NRXN3: variants seen among roughly 807,000 people sequenced by gnomAD.
The protein encoded by NRXN3 is neurexin 3.
A neutral mutation model predicts 137.6 loss-of-function variants in NRXN3; 32 were observed. That is an observed-to-expected ratio of 0.23 (90% CI 0.18 to 0.31). The LOEUF is 0.31. Ranked by LOEUF, NRXN3 falls within the 10% of genes least tolerant of loss-of-function variation. The probability of loss-of-function intolerance (pLI) is 1.00; values close to 1 mark genes in which losing one functional copy is unlikely to be tolerated. For missense variants in NRXN3, 1,574 were observed against 2,062.5 expected, an observed-to-expected ratio of 0.76 and a Z score of 4.59; for synonymous variants, 798 against 784.5, an observed-to-expected ratio of 1.02 and a Z score of -0.29.
intron 4 of NRXN3, among the ~76,000 whole-genome samples, chr14:78,350,735 A>T (rs563483104): frequency 2.4e-4 from 36 of 152,304 alleles, no homozygotes; most frequent in African/African-American, 8.4e-4. Flanking sequence ...AATGACCTGT[A>T]TGAGAAGGGA....
chr14:78,542,460 T>C (rs563477860), intron 4 of NRXN3, among the ~76,000 whole-genome samples: 1 of 152,346 alleles, frequency 6.6e-6, no homozygotes, highest in South Asian at 2.1e-4. Context: ...GCGCTAGCAG[T>C]GAGCAAGGCT....
intron 16 of NRXN3, among the ~76,000 whole-genome samples, chr14:79,524,094 G>A (rs1214783315): frequency 6.6e-6 from 1 of 152,170 alleles, no homozygotes; most frequent in Non-Finnish European, 1.5e-5. Context: ...CGGAGGAGAG[G>A]TCAGGTCTTA....
At chr14:79,033,916 A>C (rs1242660771) in intron 15 of NRXN3, among the ~76,000 whole-genome samples, 1 of 152,102 alleles carries the variant, frequency 6.6e-6, no homozygotes, top group South Asian at 2.1e-4. Flanking sequence ...TCTTTTAGCT[A>C]TTAGAACCTG....
intron 4 of NRXN3, among the ~76,000 whole-genome samples, chr14:78,511,833 C>A (rs1036069554): frequency 6.6e-6 from 1 of 152,056 alleles, no homozygotes; most frequent in Admixed American, 6.5e-5. Context: ...GAACCCAGGA[C>A]TTCCAGCTCC....
At chr14:78,216,926 C>G (rs1378028884) in intron 1 of NRXN3, among the ~76,000 whole-genome samples, 1 of 152,148 alleles carries the variant, frequency 6.6e-6, no homozygotes, top group Non-Finnish European at 1.5e-5. Flanking sequence ...TCTCTGTGTC[C>G]ACATCTCTCT....
chr14:78,967,401 A>G lies in NRXN3; in HGVS notation c.2968+3A>G. ...TGCCAAAAATCTGGATTTGAAAGGT[A>G]AACCTTGTAAAGAAATTTAGTTTTT... On this transcript the variant is annotated splice_donor_region_variant and intron_variant, in intron 13 of 20. Transcript: ENST00000335750. 1 of 1,608,344 alleles carries G rather than the reference A, an allele frequency of 6.2e-7. No homozygotes were observed. Among genetic ancestry groups the G allele is most frequent in the Non-Finnish European group, 8.5e-7 (1 of 1,175,574 alleles).
chr14:78,564,983 C>A lies in NRXN3; in HGVS notation c.758-80137C>A, dbSNP rs575456337. Among the ~76,000 whole-genome samples the A allele has an allele frequency of 2.0e-5, 3 of 152,308 alleles. No individual in the cohort carries two copies. In the East Asian group the frequency reaches 5.8e-4, roughly 29 times the overall value. On this transcript the variant is annotated intron_variant, in intron 4 of 20. Coordinates refer to ENST00000335750, the MANE Select transcript of NRXN3 (RefSeq NM_001330195.2). The stretch of plus-strand genomic sequence containing the variant: ...TCTGAATTTCTAAAGTGCTCAGCAG[C>A]AGCAGCACTCATTTGGCACTTGGTA...
intron 16 of NRXN3, among the ~76,000 whole-genome samples, chr14:79,480,830 C>T (rs1171882017): frequency 1.3e-5 from 2 of 152,110 alleles, no homozygotes; most frequent in East Asian, 3.9e-4. Context: ...CTTCCTCTTG[C>T]TCCAGACATG....
At chr14:79,010,584 G>A (rs1020960871) in intron 15 of NRXN3, among the ~76,000 whole-genome samples, 1 of 152,082 alleles carries the variant, frequency 6.6e-6, no homozygotes, top group South Asian at 2.1e-4. Context: ...ATTTTGTTCT[G>A]CCTTTATTGA....
At chr14:79,631,126 AG>A (rs2098340105) in intron 16 of NRXN3, among the ~76,000 whole-genome samples, 3 of 152,230 alleles carry the variant, frequency 2.0e-5, no homozygotes, top group Admixed American at 6.5e-5. Context: ...TGTTTCAGAA[AG>A]GGTTGTAAAG....
At chr14:78,261,092 G>T (rs898127208) in intron 2 of NRXN3, among the ~76,000 whole-genome samples, 1 of 152,142 alleles carries the variant, frequency 6.6e-6, no homozygotes, top group African/African-American at 2.4e-5. Flanking sequence ...AAAGAGCCCA[G>T]GCAGTGGATG....
At chr14:79,070,940 C>A (rs1405610446) in intron 15 of NRXN3, among the ~76,000 whole-genome samples, 1 of 152,116 alleles carries the variant, frequency 6.6e-6, no homozygotes, top group Non-Finnish European at 1.5e-5. Context: ...CGCAGTTTAA[C>A]GATGTAGCCG....
intron 8 of NRXN3, among the ~76,000 whole-genome samples, chr14:78,772,165 T>C (rs910928896): frequency 6.6e-6 from 1 of 152,174 alleles, no homozygotes; most frequent in Non-Finnish European, 1.5e-5. Flanking sequence ...CTTCAGAGTT[T>C]CAAATTAAGG....
intron 16 of NRXN3, among the ~76,000 whole-genome samples, chr14:79,545,400 C>T (rs536071586): frequency 6.6e-6 from 1 of 152,040 alleles, no homozygotes; most frequent in Non-Finnish European, 1.5e-5. Context: ...TAAAAATGAA[C>T]AATGTTAGGC....
rs79393864 is a variant in NRXN3 at position 79,703,437 on chromosome 14, G to C, written c.4014+5500G>C. On this transcript the variant is annotated intron_variant, in intron 19 of 20. Transcript: ENST00000335750. ...CGTGGGCTTTTGCGTCAGAGTTTCT[G>C]AGTTGGACTCCAGGTTTTTCCAGTT... Among the ~76,000 whole-genome samples the C allele has an allele frequency of 2.2e-3, 330 of 152,204 alleles. 1 individual carries two copies. Among genetic ancestry groups the C allele is most frequent in the African/African-American group, 7.7e-3 (321 of 41,546 alleles).
chr14:78,986,017 A>G (rs1443559337), intron 14 of NRXN3, among the ~76,000 whole-genome samples: 1 of 152,160 alleles, frequency 6.6e-6, no homozygotes, highest in East Asian at 1.9e-4. Flanking sequence ...TTGTCTTATG[A>G]GTGATGGCCT....
At chr14:79,781,637 C>T (rs567649677) in intron 19 of NRXN3, among the ~76,000 whole-genome samples, 8 of 152,260 alleles carry the variant, frequency 5.3e-5, no homozygotes, top group South Asian at 2.1e-4. Flanking sequence ...AGCAGAGACA[C>T]GGTGAAGTTC....
intron 19 of NRXN3, among the ~76,000 whole-genome samples, chr14:79,756,665 T>C (rs779605137): frequency 2.0e-5 from 3 of 152,176 alleles, no homozygotes; most frequent in Non-Finnish European, 4.4e-5. Context: ...AATCTAACTT[T>C]CTTATACCAG....
intron 1 of NRXN3, among the ~76,000 whole-genome samples, chr14:78,221,361 C>T (rs1020006654): frequency 4.6e-5 from 7 of 151,798 alleles, no homozygotes; most frequent in Non-Finnish European, 8.8e-5. Flanking sequence ...AAGTCCAGGT[C>T]GGTGATAAGG....
Sources: gnomAD v4.1 joint callset for allele counts (sites outside exome capture counted in the v4.1 genomes callset) on GRCh38, gnomAD v4.1.1 for gene constraint, MANE v1.5 for transcripts, NCBI Gene and HGNC (gene_info 2026-07-23, HGNC 2026-07-21) for gene names.